The following SRPK1 variants were observed in gnomAD, a reference collection of about 807,000 sequenced individuals.
The protein encoded by SRPK1 is SRSF protein kinase 1.
Under a neutral mutation model 89.5 loss-of-function variants are expected in SRPK1, and 52 were observed. The ratio of observed to expected loss-of-function variants is 0.58; its 90% CI spans 0.46 to 0.73. The LOEUF (loss-of-function observed/expected upper bound fraction) is 0.73. SRPK1 is among the 30% of genes least tolerant of loss of function. The probability of loss-of-function intolerance (pLI) is 0.00; values close to 1 mark genes in which losing one functional copy is unlikely to be tolerated. For synonymous variants in SRPK1, 255 were observed against 270.2 expected (o/e 0.94, Z 0.55); for missense variants, 603 against 780.6 (o/e 0.77, Z 2.71).
chr6:35,886,879 G>T, intron 5 of SRPK1, 68 bp from the exon 6 acceptor site: 1 of 841,122 alleles, frequency 1.2e-6, no homozygotes, highest in Non-Finnish European at 2.0e-6. Flanking sequence ...GGTAGGGGAA[G>T]AATACTTACA....
At chr6:35,906,046 C>T (rs938293245) in intron 2 of SRPK1, among the ~76,000 whole-genome samples, 2 of 151,734 alleles carry the variant, frequency 1.3e-5, no homozygotes, top group African/African-American at 2.4e-5. Flanking sequence ...ATTTCCTAGC[C>T]GGGGGCAGAA....
intron 12 of SRPK1, among the ~76,000 whole-genome samples, chr6:35,861,173 C>T (rs1769775081): frequency 6.6e-6 from 1 of 152,134 alleles, no homozygotes; most frequent in African/African-American, 2.4e-5. Flanking sequence ...TAAGATTCAC[C>T]AGAGAAGTGA....
At chr6:35,910,632 C>T (rs1250728043) in intron 2 of SRPK1, among the ~76,000 whole-genome samples, 2 of 152,170 alleles carry the variant, frequency 1.3e-5, no homozygotes, top group African/African-American at 4.8e-5. Context: ...GAAGATGATG[C>T]CATCTAGGAC....
chr6:35,857,284 C>T lies in SRPK1; in HGVS notation c.1597G>A (p.Asp533Asn). ...ACCATGCATGCCGTGCTCCAAATGT[C>T]AGCAGGGGTATTATAGCCAGATCCG... ...LIGSGYNTPA[D>N]IWSTACMAFE... is the part of the protein sequence containing the mutation. Residue 533 changes from aspartate to asparagine, a missense_variant, in exon 13 of 16, where the codon GAC (aspartate) becomes AAC (asparagine). Physicochemically the swap from Asp to Asn is conservative, Grantham distance 23. Transcript: ENST00000373825. The T allele has an allele frequency of 6.2e-7, 1 of 1,612,934 alleles. No individual in the cohort carries two copies. The highest frequency in any genetic ancestry group is 8.5e-7 in the Non-Finnish European group (1 of 1,179,400).
At chr6:35,869,220 C>T in intron 11 of SRPK1, 110 bp from the exon 12 acceptor site, 1 of 981,982 alleles carries the variant, frequency 1.0e-6, no homozygotes, top group Non-Finnish European at 1.5e-6. Context: ...ACCCAAGTGA[C>T]AACTTACATT....
chr6:35,860,115 C>T (rs1322321934), intron 12 of SRPK1, among the ~76,000 whole-genome samples: 4 of 152,040 alleles, frequency 2.6e-5, no homozygotes, highest in East Asian at 1.9e-4. Flanking sequence ...CCGCCTGCCT[C>T]GGCCTCCCAA....
intron 2 of SRPK1, among the ~76,000 whole-genome samples, chr6:35,913,928 C>T (rs1005116606): frequency 1.3e-5 from 2 of 148,954 alleles, no homozygotes; most frequent in Non-Finnish European, 3.0e-5. Context: ...CTATAACAAG[C>T]TGAGAAATAA....
At chr6:35,857,404 T>C (rs2151084390) in intron 12 of SRPK1, 36 bp from the exon 13 acceptor site, 4 of 1,492,160 alleles carry the variant, frequency 2.7e-6, no homozygotes, top group East Asian at 2.4e-5. Flanking sequence ...TTAAACTTCA[T>C]TCTAAAAAGT....
intron 13 of SRPK1, among the ~76,000 whole-genome samples, chr6:35,849,393 T>G (rs1285904129): frequency 2.0e-5 from 3 of 152,212 alleles, no homozygotes; most frequent in Non-Finnish European, 4.4e-5. Flanking sequence ...TTGGTGGGAA[T>G]GTAAATTAGT....
chr6:35,890,389 A>G (rs1402814604), intron 3 of SRPK1, among the ~76,000 whole-genome samples: 2 of 152,268 alleles, frequency 1.3e-5, no homozygotes, highest in African/African-American at 4.8e-5. Context: ...ACATTCTTCT[A>G]GATGGTATGA....
intron 2 of SRPK1, among the ~76,000 whole-genome samples, chr6:35,904,213 A>C (rs1419578425): frequency 6.6e-6 from 1 of 152,168 alleles, no homozygotes; most frequent in African/African-American, 2.4e-5. Context: ...TGGGCTTCTG[A>C]TAACTTTCTG....
chr6:35,859,421 G>A (rs754049125), intron 12 of SRPK1, among the ~76,000 whole-genome samples: 3 of 152,142 alleles, frequency 2.0e-5, no homozygotes, highest in Non-Finnish European at 2.9e-5. Flanking sequence ...GCTTAGTACA[G>A]TGGTCCATCA....
rs113948919 is a variant in SRPK1 at position 35,841,086 on chromosome 6, T to C, written c.1690+1449A>G. ...AATTAATTACCCTCCCAAACAAACA[T>C]AGTAGGTAGTCTCTAGGCCTATAAT... On this transcript the variant is annotated intron_variant, in intron 14 of 15. Transcript: ENST00000373825. Among the ~76,000 whole-genome samples, 1,040 of 152,186 alleles carry C rather than the reference T, an allele frequency of 6.8e-3. 4 individuals carry two copies. Among genetic ancestry groups the C allele is most frequent in the Middle Eastern group, 0.02 (6 of 294 alleles).
chr6:35,876,895 G>C (rs1462690330), intron 6 of SRPK1, among the ~76,000 whole-genome samples: 1 of 152,152 alleles, frequency 6.6e-6, no homozygotes, highest in Non-Finnish European at 1.5e-5. Context: ...GAATCAATGG[G>C]AGCTGAGAGT....
intron 1 of SRPK1, 75 bp downstream of exon 1, chr6:35,920,969 G>C (rs1022293878): frequency 6.7e-7 from 1 of 1,491,832 alleles, no homozygotes; most frequent in South Asian, 1.3e-5. Flanking sequence ...GCAGTTAAGC[G>C]AAGCTCCCGG....
At position 35,869,533 on chromosome 6, in the gene SRPK1, G is replaced by GT; in HGVS notation, c.1359dup (p.Pro454ThrfsTer3). 1 of 1,613,934 alleles carries GT rather than the reference G, an allele frequency of 6.2e-7. No individual in the cohort carries two copies. The highest frequency in any genetic ancestry group is 8.5e-7 in the Non-Finnish European group (1 of 1,179,860). On this transcript the variant is annotated frameshift_variant, in exon 11 of 16. Coordinates refer to ENST00000373825, the MANE Select transcript of SRPK1 (RefSeq NM_003137.5). LOFTEE classifies it high-confidence loss of function. Reference sequence around the variant, plus strand: ...TCTTGCTCTTGTTCATCTTCACAGGGTATCTCTGCCCGAATGCTTTCTTGA... The same window carrying GT: ...TCTTGCTCTTGTTCATCTTCACAGGGTTATCTCTGCCCGAATGCTTTCTTGA...
At chr6:35,876,185 A>C (rs1168675618) in intron 6 of SRPK1, among the ~76,000 whole-genome samples, 1 of 152,130 alleles carries the variant, frequency 6.6e-6, no homozygotes, top group East Asian at 1.9e-4. Flanking sequence ...AATTACAGTA[A>C]GATAGCATCT....
At chr6:35,888,350 G>A (rs918069012) in intron 4 of SRPK1, among the ~76,000 whole-genome samples, 1 of 152,100 alleles carries the variant, frequency 6.6e-6, no homozygotes, top group Non-Finnish European at 1.5e-5. Context: ...CATTTTCTCT[G>A]AGTTAAAATC....
At chr6:35,848,934 T>C (rs79822277) in intron 13 of SRPK1, among the ~76,000 whole-genome samples, 6,380 of 152,240 alleles carry the variant, frequency 0.042, 395 homozygotes, top group African/African-American at 0.14. Flanking sequence ...GTCTGAGCAA[T>C]GATTTTTTTG....
Sources: gnomAD v4.1 joint callset for allele counts (sites outside exome capture counted in the v4.1 genomes callset) on GRCh38, gnomAD v4.1.1 for gene constraint, MANE v1.5 for transcripts, NCBI Gene and HGNC (gene_info 2026-07-23, HGNC 2026-07-21) for gene names.